HPSE: variants seen among roughly 807,000 people sequenced by gnomAD.
HPSE encodes the protein endo-glucoronidase.
Under a neutral mutation model 65.1 loss-of-function variants are expected in HPSE, and 48 were observed. The ratio of observed to expected loss-of-function variants is 0.74; its 90% CI spans 0.58 to 0.94. The LOEUF (loss-of-function observed/expected upper bound fraction) is 0.94. Ranked by LOEUF, HPSE falls within the 40% of genes least tolerant of loss-of-function variation. The pLI is 0.00. For missense variants in HPSE, 644 were observed against 637.5 expected (o/e 1.01, Z -0.11); for synonymous variants, 243 against 260.0 (o/e 0.93, Z 0.63).
chr4:83,332,686 G>A (rs1737427702), intron 1 of HPSE, among the ~76,000 whole-genome samples: 1 of 152,238 alleles, frequency 6.6e-6, no homozygotes, highest in African/African-American at 2.4e-5. Flanking sequence ...GAATTTCTAC[G>A]TGTTAGGGGG....
chr4:83,328,637 CAAT>C (rs1737240515), intron 1 of HPSE, among the ~76,000 whole-genome samples: 1 of 152,020 alleles, frequency 6.6e-6, no homozygotes, highest in African/African-American at 2.4e-5. Context: ...TTTAGTGACA[CAAT>C]GATGGTGCCA....
At position 83,334,556 on chromosome 4, in the gene HPSE, C is replaced by T. The variant is rs1737536281; in HGVS notation, c.227G>A (p.Gly76Asp). 1 of 1,577,674 alleles carries T rather than the reference C, an allele frequency of 6.3e-7. No individual in the cohort carries two copies. Among genetic ancestry groups the T allele is most frequent in the Admixed American group, 1.8e-5 (1 of 54,446 alleles). The change falls in exon 1 of 12, where the codon GGT (glycine) becomes GAT (aspartate). Residue 76 changes from glycine to aspartate, a missense_variant and splice_region_variant. Transcript: ENST00000311412. ...ACAGGACCAGGAGGCTGGCGCTTAC[C>T]CCAGGAGGATGAGGAACCGCGGGTC... ...ATDPRFLILL[G>D]SPKLRTLARG...
intron 4 of HPSE, among the ~76,000 whole-genome samples, chr4:83,312,841 CAAAAAAAAAAAAAAAA>C (rs1200808673): frequency 8.2e-4 from 9 of 10,982 alleles, no homozygotes; most frequent in East Asian, 3.1e-3. Flanking sequence ...ACTAAAAATG[CAAAAAAAAAAAAAAAA>C]AAAAAAAAAA....
At chr4:83,328,572 T>C (rs1332150224) in intron 1 of HPSE, among the ~76,000 whole-genome samples, 1 of 152,078 alleles carries the variant, frequency 6.6e-6, no homozygotes, top group Non-Finnish European at 1.5e-5. Context: ...TAAGATAAAG[T>C]GTTTATTAGG....
At chr4:83,306,104 G>C (rs1736137410) in intron 9 of HPSE, 99 bp downstream of exon 9, 1 of 659,942 alleles carries the variant, frequency 1.5e-6, no homozygotes, top group Non-Finnish European at 2.7e-6. Flanking sequence ...GATTTGGCTA[G>C]TTACTGAGAG....
In HPSE at chr4:83,334,759, C is replaced by A. The variant is rs756750396; in HGVS notation, c.24G>T (p.Ala8=). 6.4e-7 allele frequency: 1 copy of A among 1,550,502 alleles called. No homozygotes were observed. The highest frequency in any genetic ancestry group is 8.7e-7 in the Non-Finnish European group (1 of 1,147,134). Residue 8 remains alanine, a synonymous_variant, in exon 1 of 12, where the codon GCG becomes GCT. Coordinates refer to ENST00000311412, the MANE Select transcript of HPSE (RefSeq NM_001098540.3). Reference sequence around the variant, plus strand: ...GCAGCAGCATCAGCGGCGGCGGCAGCGCAGGCTTCGAGCGCAGCAGCATCT... The same window carrying A: ...GCAGCAGCATCAGCGGCGGCGGCAGAGCAGGCTTCGAGCGCAGCAGCATCT... The part of the protein sequence containing the change: MLLRSKP[A]LPPPLMLLLL...
At chr4:83,321,681 T>C (rs1736898927) in intron 2 of HPSE, among the ~76,000 whole-genome samples, 2 of 152,146 alleles carry the variant, frequency 1.3e-5, no homozygotes, top group South Asian at 4.1e-4. Context: ...CAGGACAAAT[T>C]TTCATGGCCC....
intron 2 of HPSE, among the ~76,000 whole-genome samples, chr4:83,321,023 G>A (rs1385131662): frequency 6.6e-6 from 1 of 152,096 alleles, no homozygotes; most frequent in Non-Finnish European, 1.5e-5. Context: ...AACATAGAAA[G>A]ACTGTCTCTA....
At chr4:83,299,569 G>C (rs1170201296) in intron 11 of HPSE, among the ~76,000 whole-genome samples, 4 of 152,032 alleles carry the variant, frequency 2.6e-5, no homozygotes, top group Non-Finnish European at 2.9e-5. Flanking sequence ...GTTTGTCTGT[G>C]GGGGACAGGA....
At chr4:83,320,261 T>A (rs536511378) in intron 2 of HPSE, among the ~76,000 whole-genome samples, 4 of 152,126 alleles carry the variant, frequency 2.6e-5, no homozygotes, top group Admixed American at 2.6e-4. Flanking sequence ...CCACAACATG[T>A]GCACTTGAAA....
chr4:83,313,430 A>C (rs1219710087), intron 3 of HPSE, 143 bp from the exon 4 acceptor site: 1 of 572,290 alleles, frequency 1.7e-6, no homozygotes. Context: ...TATGTTTTTG[A>C]GACAACAAAA....
chr4:83,311,258 T>A (rs2126188305), intron 4 of HPSE, among the ~76,000 whole-genome samples: 1 of 152,190 alleles, frequency 6.6e-6, no homozygotes, highest in Admixed American at 6.5e-5. Flanking sequence ...TGAGCCATGA[T>A]CACGCAACCG....
chr4:83,334,977 C>T, upstream of HPSE: 1 of 856,042 alleles, frequency 1.2e-6, no homozygotes, highest in Non-Finnish European at 1.7e-6. Context: ...CAATCCAACC[C>T]CGCCCCGCCT....
In HPSE at chr4:83,310,095, A is replaced by T; in HGVS notation, c.843-17T>A. ...TTCAGGAAGCTAGAAAAAAAATTTT[A>T]TTATCACTCAGTCATATAATACATA... On this transcript the variant is annotated splice_polypyrimidine_tract_variant and intron_variant, in intron 5 of 11. Coordinates refer to ENST00000311412, the MANE Select transcript of HPSE (RefSeq NM_001098540.3). The T allele has an allele frequency of 6.3e-7, 1 of 1,578,546 alleles. No homozygotes were observed. The highest frequency in any genetic ancestry group is 8.7e-7 in the Non-Finnish European group (1 of 1,149,106).
chr4:83,331,305 C>T (rs1011235644), intron 1 of HPSE, among the ~76,000 whole-genome samples: 2 of 151,960 alleles, frequency 1.3e-5, no homozygotes, highest in Non-Finnish European at 2.9e-5. Flanking sequence ...TAATAAATAC[C>T]TCATTAATAT....
rs1735620209 is a variant in HPSE at position 83,293,471 on chromosome 4, G to A, written c.*1873C>T. On this transcript the variant is annotated 3_prime_UTR_variant, in exon 12 of 12. Transcript: ENST00000311412. Reference sequence around the variant, plus strand: ...GAGCTGGGAAGAACCCAGATCCCTGGTGACGTACTGAAGTGCTGGAGCCTG... The same window carrying A: ...GAGCTGGGAAGAACCCAGATCCCTGATGACGTACTGAAGTGCTGGAGCCTG... The A allele has an allele frequency of 6.6e-6, 1 of 152,192 alleles. No homozygotes were observed. The highest frequency in any genetic ancestry group is 2.4e-5 in the African/African-American group (1 of 41,446). The allele number at this position is 152,192 out of a possible 1,614,324, so 9.4% of individuals were successfully genotyped here. A position where few individuals can be genotyped will look rare whatever the true frequency, so the allele number is the denominator to read the frequency against.
At chr4:83,308,370 C>T (rs1014673876) in intron 8 of HPSE, among the ~76,000 whole-genome samples, 1 of 152,112 alleles carries the variant, frequency 6.6e-6, no homozygotes, top group Non-Finnish European at 1.5e-5. Flanking sequence ...CGTGCCACTG[C>T]CCTCCAGTCT....
chr4:83,315,069 C>T (rs1420673982), intron 3 of HPSE, among the ~76,000 whole-genome samples: 1 of 151,604 alleles, frequency 6.6e-6, no homozygotes, highest in Non-Finnish European at 1.5e-5. Flanking sequence ...GACAGAATTG[C>T]TCAAACCCGG....
At chr4:83,318,383 G>A (rs1578019732) in intron 3 of HPSE, among the ~76,000 whole-genome samples, 1 of 152,100 alleles carries the variant, frequency 6.6e-6, no homozygotes, top group African/African-American at 2.4e-5. Context: ...CCAGAACTTT[G>A]GGAGGCTGAG....
Sources: gnomAD v4.1 joint callset for allele counts (sites outside exome capture counted in the v4.1 genomes callset) on GRCh38, gnomAD v4.1.1 for gene constraint, MANE v1.5 for transcripts, NCBI Gene and HGNC (gene_info 2026-07-23, HGNC 2026-07-21) for gene names.